Variants in EXOC6B observed in about 807,000 individuals in gnomAD.
EXOC6B encodes the protein SEC15 homolog B.
Under a neutral mutation model 113.5 loss-of-function variants are expected in EXOC6B, and 54 were observed. The ratio of observed to expected loss-of-function variants is 0.48; its 90% CI spans 0.38 to 0.60. The LOEUF (loss-of-function observed/expected upper bound fraction) is 0.60. Ranked by LOEUF, EXOC6B falls within the 20% of genes least tolerant of loss-of-function variation. The pLI, the probability that EXOC6B is intolerant of heterozygous loss-of-function variation, is 0.00. For synonymous variants in EXOC6B, 357 were observed against 339.0 expected, an observed-to-expected ratio of 1.05 and a Z score of -0.58; for missense variants, 797 against 977.5, an observed-to-expected ratio of 0.82 and a Z score of 2.46.
rs528417735 is a variant in EXOC6B at position 72,366,907 on chromosome 2, T to C, written c.2122+12822A>G. ...ATTTAATATAAGTGGAATTGCGCTA[T>C]AGTGTACATTGAAGGAAGCTCCTCA... On this transcript the variant is annotated intron_variant, in intron 19 of 21. Coordinates refer to ENST00000272427, the MANE Select transcript of EXOC6B (RefSeq NM_015189.3). Among the ~76,000 whole-genome samples the C allele has an allele frequency of 1.1e-4, 16 of 151,036 alleles. 1 individual carries two copies. Among genetic ancestry groups the C allele is most frequent in the Admixed American group, 2.6e-4 (4 of 15,188 alleles).
rs1014942383 is a variant in EXOC6B, at chr2:72,624,091, T to C, written c.670-48423A>G. ...GAAGCTAAAATAAAGGATGAAGATA[T>C]GAAGAGCAACTCTATATTTTCTCCC... On this transcript the variant is annotated intron_variant, in intron 6 of 21. Coordinates refer to ENST00000272427, the MANE Select transcript of EXOC6B (RefSeq NM_015189.3). 3.9e-5 allele frequency among the ~76,000 whole-genome samples: 6 copies of C among 152,174 alleles called. No homozygotes were observed. In the South Asian group the frequency reaches 8.3e-4, roughly 21 times the overall value.
At chr2:72,685,148 A>T (rs982408324) in intron 6 of EXOC6B, among the ~76,000 whole-genome samples, 2 of 152,184 alleles carry the variant, frequency 1.3e-5, no homozygotes, top group African/African-American at 4.8e-5. Flanking sequence ...GTTGTAAGAG[A>T]TTAATCATAT....
chr2:72,671,916 A>AAAAG (rs1180862326), intron 6 of EXOC6B, among the ~76,000 whole-genome samples: 1 of 151,002 alleles, frequency 6.6e-6, no homozygotes, highest in Non-Finnish European at 1.5e-5. Flanking sequence ...AGAAAGAAAG[A>AAAAG]AAAGAAAGAA....
chr2:72,208,014 A>G (rs1448535360), intron 20 of EXOC6B, among the ~76,000 whole-genome samples: 1 of 152,200 alleles, frequency 6.6e-6, no homozygotes, highest in East Asian at 1.9e-4. Flanking sequence ...TATACTCTCT[A>G]ACTGGGACAA....
chr2:72,422,245 T>A (rs1461918166), intron 18 of EXOC6B, among the ~76,000 whole-genome samples: 2 of 152,202 alleles, frequency 1.3e-5, no homozygotes, highest in African/African-American at 4.8e-5. Flanking sequence ...CAGCTCCACC[T>A]GCAGCCCCAG....
intron 20 of EXOC6B, among the ~76,000 whole-genome samples, chr2:72,289,804 G>A (rs1685673460): frequency 6.6e-6 from 1 of 152,138 alleles, no homozygotes; most frequent in African/African-American, 2.4e-5. Flanking sequence ...GCTGAGGTGG[G>A]AGGGCCCAGA....
intron 18 of EXOC6B, among the ~76,000 whole-genome samples, chr2:72,438,785 C>T (rs551257151): frequency 4.1e-4 from 63 of 152,078 alleles, no homozygotes; most frequent in African/African-American, 1.5e-3. Context: ...ACTCTTTTTT[C>T]ATTAACACCT....
intron 20 of EXOC6B, among the ~76,000 whole-genome samples, chr2:72,292,172 AGTGTGT>A (rs58303616): frequency 0.062 from 8,586 of 139,294 alleles, 255 homozygotes; most frequent in Non-Finnish European, 0.076. Flanking sequence ...TCCAGAAGTA[AGTGTGT>A]GTGTGTGTGT....
At chr2:72,640,463 G>T (rs1294760274) in intron 6 of EXOC6B, among the ~76,000 whole-genome samples, 3 of 152,132 alleles carry the variant, frequency 2.0e-5, no homozygotes, top group Non-Finnish European at 1.5e-5. Flanking sequence ...CCATGAGAAC[G>T]TCCCCAACCT....
chr2:72,791,961 G>A (rs1165361477), intron 1 of EXOC6B, among the ~76,000 whole-genome samples: 6 of 152,144 alleles, frequency 3.9e-5, no homozygotes, highest in Non-Finnish European at 8.8e-5. Flanking sequence ...CAGCATTTCA[G>A]TCTGGGCTCT....
At chr2:72,495,339 C>A (rs777938359) in intron 15 of EXOC6B, 91 bp downstream of exon 15, 17 of 649,138 alleles carry the variant, frequency 2.6e-5, no homozygotes, top group Non-Finnish European at 3.9e-5. Context: ...AAAATCAGGG[C>A]TGACGGGACT....
At chr2:72,369,326 G>T (rs1296130545) in intron 19 of EXOC6B, among the ~76,000 whole-genome samples, 1 of 152,132 alleles carries the variant, frequency 6.6e-6, no homozygotes, top group East Asian at 1.9e-4. Context: ...ACCTCTTCAA[G>T]GAGAACTACA....
intron 6 of EXOC6B, among the ~76,000 whole-genome samples, chr2:72,579,109 T>C (rs965692479): frequency 3.3e-5 from 5 of 152,070 alleles, no homozygotes; most frequent in African/African-American, 4.8e-5. Flanking sequence ...TGAATAAAGG[T>C]AGCAACAGAT....
chr2:72,521,330 T>C (rs1701475360), intron 8 of EXOC6B, among the ~76,000 whole-genome samples: 1 of 152,196 alleles, frequency 6.6e-6, no homozygotes, highest in African/African-American at 2.4e-5. Flanking sequence ...TCCTAAGAAA[T>C]AAGTCTCTAT....
intron 3 of EXOC6B, among the ~76,000 whole-genome samples, chr2:72,732,307 C>T (rs1200623681): frequency 1.3e-5 from 2 of 151,568 alleles, no homozygotes; most frequent in East Asian, 3.9e-4. Context: ...CACCTCCACG[C>T]CTGGTTATGG....
chr2:72,317,863 T>C (rs996925523), intron 20 of EXOC6B, among the ~76,000 whole-genome samples: 1 of 152,188 alleles, frequency 6.6e-6, no homozygotes, highest in Non-Finnish European at 1.5e-5. Flanking sequence ...ATAATATTGC[T>C]ATAAGGAGCC....
chr2:72,685,108 T>C (rs1467238438), intron 6 of EXOC6B, among the ~76,000 whole-genome samples: 3 of 152,142 alleles, frequency 2.0e-5, no homozygotes, highest in East Asian at 1.9e-4. Context: ...GATGGGTTGA[T>C]GGATAATAGA....
At position 72,495,498 on chromosome 2, in the gene EXOC6B, T is replaced by C. The variant is rs760464011; in HGVS notation, c.1485A>G (p.Pro495=). 1.2e-6 allele frequency: 2 copies of C among 1,609,324 alleles called. No homozygotes were observed. Among genetic ancestry groups the C allele is most frequent in the East Asian group, 2.2e-5 (1 of 44,708 alleles). Residue 495 remains proline (P), a synonymous_variant, in exon 15 of 22, where the codon CCA becomes CCG. Coordinates refer to ENST00000272427, the MANE Select transcript of EXOC6B (RefSeq NM_015189.3). ...PKKFPFSEFV[P]KVYNQIKEFI... is the part of the protein sequence containing the mutation. ...ATTCTTTAATTTGGTTGTAAACTTT[T>C]GGCACAAATTCAGAGAAAGGAAACT...
chr2:72,498,826 T>A (rs895233528), intron 12 of EXOC6B, among the ~76,000 whole-genome samples: 2 of 151,986 alleles, frequency 1.3e-5, no homozygotes, highest in Non-Finnish European at 2.9e-5. Flanking sequence ...ATGGGATAAG[T>A]CCTCCCTACA....
Sources: gnomAD v4.1 joint callset for allele counts (sites outside exome capture counted in the v4.1 genomes callset) on GRCh38, gnomAD v4.1.1 for gene constraint, MANE v1.5 for transcripts, NCBI Gene and HGNC (gene_info 2026-07-23, HGNC 2026-07-21) for gene names.